LETM1: variants seen among roughly 807,000 people sequenced by gnomAD.
LETM1 encodes the protein leucine zipper and EF-hand containing transmembrane protein 1, also known as mitochondrial proton/calcium exchanger protein.
Under a neutral mutation model 74.5 loss-of-function variants are expected in LETM1, and 50 were observed. The observed-to-expected ratio is 0.67, with a 90% CI of 0.53 to 0.85. The LOEUF is 0.85. LETM1 is among the 40% of genes least tolerant of loss of function. The pLI, the probability that LETM1 is intolerant of heterozygous loss-of-function variation, is 0.00. For missense variants in LETM1, 824 were observed against 967.8 expected (o/e 0.85, Z 1.97); for synonymous variants, 446 against 407.1 (o/e 1.10, Z -1.15).
chr4:1,834,698 TG>T lies in LETM1; in HGVS notation c.876+146del. On this transcript the variant is annotated intron_variant, in intron 5 of 13. Transcript: ENST00000302787. The surrounding 1 kb of genome is among the most constrained non-coding windows in gnomAD (Gnocchi z 5.0). ...TGGGGGCAGACTCCTGACACTCCAC[TG>T]GCCCCCGACTGAGCCTCCTGGGTAA... 6.7e-7 allele frequency: 1 copy of T among 1,483,122 alleles called. No individual in the cohort carries two copies. The highest frequency in any genetic ancestry group is 1.4e-5 in the African/African-American group (1 of 70,986). 91.9% of individuals were successfully genotyped at this position (1,483,122 alleles called of 1,614,324 possible). A position where few individuals can be genotyped will look rare whatever the true frequency, so the allele number is the denominator to read the frequency against.
chr4:1,815,853 G>C, intron 12 of LETM1, 51 bp from the exon 13 acceptor site: 2 of 1,601,868 alleles, frequency 1.2e-6, no homozygotes, highest in Non-Finnish European at 1.7e-6. Flanking sequence ...CTGCCACACA[G>C]GGCCTCACTG....
intron 7 of LETM1, among the ~76,000 whole-genome samples, chr4:1,824,907 C>T (rs568408450): frequency 3.9e-5 from 6 of 152,232 alleles, no homozygotes; most frequent in Admixed American, 2.6e-4. Flanking sequence ...CTGTCTGTGT[C>T]GAGAGGAGAA....
At chr4:1,850,399 C>T (rs553767208) in intron 1 of LETM1, among the ~76,000 whole-genome samples, 3 of 152,252 alleles carry the variant, frequency 2.0e-5, no homozygotes, top group East Asian at 1.9e-4. Flanking sequence ...GCACTCCTAC[C>T]GGTGGCACCA....
At chr4:1,848,505 G>A (rs1392778369) in intron 2 of LETM1, among the ~76,000 whole-genome samples, 3 of 147,540 alleles carry the variant, frequency 2.0e-5, no homozygotes, top group Non-Finnish European at 4.5e-5. Flanking sequence ...CTGATATTGC[G>A]CCACTGCACT....
rs548475002 is a variant in LETM1 at position 1,832,932 on chromosome 4, C to T, written c.892G>A (p.Glu298Lys). The T allele has an allele frequency of 6.2e-6, 10 of 1,612,216 alleles. No homozygotes were observed. The East Asian group carries it at 2.0e-4, about 32-fold the overall frequency. Reference sequence around the variant, plus strand: ...ATGATTTCCTCATTGCTGGGCCTCTCCCCTGTTTCCCGGATCTGCGGAAGT... The same window carrying T: ...ATGATTTCCTCATTGCTGGGCCTCTTCCCTGTTTCCCGGATCTGCGGAAGT... ...VFFQKIRETG[E>K]RPSNEEIMRF... is the part of the protein sequence containing the mutation. The change falls in exon 6 of 14, where the codon GAG (glutamate) becomes AAG (lysine). Residue 298 changes from glutamate to lysine, a missense_variant. By Grantham distance (56) the Glu-to-Lys change is moderately conservative. Transcript: ENST00000302787.
chr4:1,816,967 C>A, intron 11 of LETM1, 53 bp from the exon 12 acceptor site: 1 of 1,474,108 alleles, frequency 6.8e-7, no homozygotes, highest in South Asian at 1.2e-5. Flanking sequence ...AAAAGGGGGT[C>A]AGGTGTAGTG....
At chr4:1,819,016 G>A (rs924652156) in intron 11 of LETM1, among the ~76,000 whole-genome samples, 7 of 151,824 alleles carry the variant, frequency 4.6e-5, no homozygotes, top group African/African-American at 1.7e-4. Context: ...CCCAGGAGGT[G>A]GAGGTTGCAA....
chr4:1,845,404 G>A (rs1308584385), intron 2 of LETM1, among the ~76,000 whole-genome samples: 6 of 152,168 alleles, frequency 3.9e-5, no homozygotes, highest in African/African-American at 7.2e-5. Flanking sequence ...TCAGGAGTTC[G>A]AGATGAGCCT....
intron 1 of LETM1, among the ~76,000 whole-genome samples, chr4:1,851,371 C>T (rs1424340284): frequency 3.3e-5 from 5 of 152,168 alleles, no homozygotes; most frequent in Admixed American, 2.0e-4. Context: ...CAACGAGAGC[C>T]ACCGTGAGAG....
At chr4:1,824,766 G>C (rs1711925285) in intron 7 of LETM1, among the ~76,000 whole-genome samples, 1 of 152,258 alleles carries the variant, frequency 6.6e-6, no homozygotes. Flanking sequence ...TCCCCACGGA[G>C]CTCCAGAAGG....
chr4:1,853,747 C>T (rs191513367), intron 1 of LETM1, among the ~76,000 whole-genome samples: 10 of 152,294 alleles, frequency 6.6e-5, no homozygotes, highest in Admixed American at 5.9e-4. Flanking sequence ...ACTGTGACAA[C>T]GAACCCTACT....
At position 1,841,464 on chromosome 4, in the gene LETM1, G is replaced by T. The variant is rs368052273; in HGVS notation, c.477C>A (p.Asp159Glu). Residue 159 changes from aspartate (D) to glutamate (E), a missense_variant, in exon 3 of 14, where the codon GAC becomes GAA. Asp to Glu is a conservative substitution (Grantham distance 45). Around this residue, in one of 4 missense-constraint regions of LETM1, gnomAD observed 269 missense variants for 348.8 expected, o/e 0.77. Transcript: ENST00000302787. ...AGCCATGGTAGTAGTGCTTCAGCTC[G>T]TCCAGCACCCGCTGCCCCAGGGACT... ...VKKSLGQRVL[D>E]ELKHYYHGFR... The T allele has an allele frequency of 1.2e-6, 2 of 1,614,232 alleles. No homozygotes were observed. Among genetic ancestry groups the T allele is most frequent in the Middle Eastern group, 1.6e-4 (1 of 6,062 alleles).
In LETM1 at chr4:1,848,715, CAAAAAA is replaced by C. The variant is rs927486416; in HGVS notation, c.143+428_143+433del. Among the ~76,000 whole-genome samples the C allele has an allele frequency of 8.0e-4, 35 of 43,890 alleles. No homozygotes were observed. The East Asian group carries it at 0.021, about 26-fold the overall frequency. 28.8% of individuals were successfully genotyped at this position (43,890 alleles called of 152,430 possible). On this transcript the variant is annotated intron_variant, in intron 2 of 13. Transcript: ENST00000302787. ...TGGGTGACAGAGCAAGGCTCTGTCT[CAAAAAA>C]AAAAAAAAAAAAAAAGAAAAAAAAA...
intron 1 of LETM1, among the ~76,000 whole-genome samples, chr4:1,855,397 G>T (rs1447123041): frequency 6.6e-6 from 1 of 152,300 alleles, no homozygotes; most frequent in African/African-American, 2.4e-5. Context: ...CACCACAGGG[G>T]TTTGTAGGTG....
chr4:1,814,629 G>T, intron 13 of LETM1, 56 bp from the exon 14 acceptor site: 1 of 1,519,920 alleles, frequency 6.6e-7, no homozygotes, highest in South Asian at 1.1e-5. Flanking sequence ...GCACAGTGAG[G>T]CAGAGGCGGG....
chr4:1,838,282 TAG>T (rs1474654750), intron 3 of LETM1, among the ~76,000 whole-genome samples: 1 of 151,940 alleles, frequency 6.6e-6, no homozygotes, highest in Non-Finnish European at 1.5e-5. Context: ...GTATTTTTAG[TAG>T]AGACAGGGTT....
At chr4:1,818,739 ATCTCG>A (rs1711667180) in intron 11 of LETM1, among the ~76,000 whole-genome samples, 1 of 152,174 alleles carries the variant, frequency 6.6e-6, no homozygotes, top group Non-Finnish European at 1.5e-5. Flanking sequence ...CATGAATAAG[ATCTCG>A]TCAAGTGACC....
chr4:1,830,087 G>C (rs1712214151), intron 6 of LETM1, among the ~76,000 whole-genome samples: 1 of 152,168 alleles, frequency 6.6e-6, no homozygotes, highest in Non-Finnish European at 1.5e-5. Context: ...TTTCAGCCCT[G>C]CTCTATCCTT....
Position 1,819,224 on chromosome 4 carries a change from C to G in LETM1, c.1743+114G>C, listed in dbSNP as rs577208343. 6 of 1,118,772 alleles carry G rather than the reference C, an allele frequency of 5.4e-6. No homozygotes were observed. The African/African-American group carries it at 6.3e-5, about 12-fold the overall frequency. The allele number at this position is 1,118,772 out of a possible 1,614,324, so 69.3% of individuals were successfully genotyped here. On this transcript the variant is annotated intron_variant, in intron 11 of 13. Transcript: ENST00000302787. ...TATAACGTGCTTTCCTCTCCAAATA[C>G]TCTTTGGCCAGCTTATCAAGTATCT...
Sources: allele counts gnomAD v4.1 joint callset (sites outside exome capture counted in the v4.1 genomes callset), GRCh38; gene constraint gnomAD v4.1.1; regional missense constraint gnomAD v4.1.1; non-coding constraint Gnocchi (gnomAD v3.1); transcripts MANE v1.5; gene names NCBI Gene and HGNC (gene_info 2026-07-23, HGNC 2026-07-21).